The following CTNNA2 variants were observed in gnomAD, a reference collection of about 807,000 sequenced individuals.
The protein encoded by CTNNA2 is catenin alpha-2.
A neutral mutation model predicts 101.0 loss-of-function variants in CTNNA2; 42 were observed. That is an observed-to-expected ratio of 0.42 (90% CI 0.32 to 0.54). The LOEUF is 0.54. Among genes scored for constraint, CTNNA2 ranks in the 20% least tolerant of loss-of-function variants. CTNNA2 has a pLI of 0.14. For synonymous variants in CTNNA2, 450 were observed against 456.4 expected (o/e 0.99, Z 0.18); for missense variants, 871 against 1,223.1 (o/e 0.71, Z 4.29).
intron 2 of CTNNA2, among the ~76,000 whole-genome samples, chr2:79,668,877 C>G (rs536091621): frequency 2.5e-4 from 38 of 152,260 alleles, no homozygotes; most frequent in African/African-American, 9.1e-4. Context: ...CCAAAAGTTT[C>G]CAATCAAACA....
intron 3 of CTNNA2, among the ~76,000 whole-genome samples, chr2:79,849,947 C>T (rs780273608): frequency 6.6e-5 from 10 of 152,104 alleles, no homozygotes; most frequent in East Asian, 1.9e-4. Context: ...CCTTGTCAAC[C>T]GATGTAAGGT....
At chr2:80,426,167 G>T (rs1194411025) in intron 9 of CTNNA2, among the ~76,000 whole-genome samples, 4 of 152,026 alleles carry the variant, frequency 2.6e-5, no homozygotes, top group Non-Finnish European at 5.9e-5. Context: ...CGACCCTGAG[G>T]GTATGCCGAG....
intron 7 of CTNNA2, among the ~76,000 whole-genome samples, chr2:80,080,393 C>T (rs893152875): frequency 3.9e-5 from 6 of 152,228 alleles, no homozygotes; most frequent in Non-Finnish European, 4.4e-5. Context: ...CAAATGATTT[C>T]GACAAGGACA....
intron 2 of CTNNA2, among the ~76,000 whole-genome samples, chr2:79,257,127 C>A (rs1472495948): frequency 1.3e-5 from 2 of 152,158 alleles, no homozygotes; most frequent in African/African-American, 4.8e-5. Flanking sequence ...ACTTTACTCT[C>A]CTTTTTGCCT....
chr2:80,065,043 C>A (rs1047208269), intron 7 of CTNNA2, among the ~76,000 whole-genome samples: 1 of 152,098 alleles, frequency 6.6e-6, no homozygotes, highest in African/African-American at 2.4e-5. Flanking sequence ...AGTAAAAACC[C>A]TTTTGCTGAC....
intron 7 of CTNNA2, among the ~76,000 whole-genome samples, chr2:80,115,704 G>T (rs1290468315): frequency 1.3e-5 from 2 of 152,160 alleles, no homozygotes; most frequent in Non-Finnish European, 2.9e-5. Context: ...TGGGTACGGT[G>T]CTATTTCAAG....
chr2:80,254,628 C>T (rs779525105), intron 7 of CTNNA2, among the ~76,000 whole-genome samples: 19 of 151,942 alleles, frequency 1.3e-4, no homozygotes, highest in Non-Finnish European at 2.6e-4. Flanking sequence ...CATAGCTGGT[C>T]GTTTTGATAT....
chr2:80,567,235 G>A (rs1396461800), intron 12 of CTNNA2, among the ~76,000 whole-genome samples: 2 of 128,944 alleles, frequency 1.6e-5, no homozygotes, highest in Non-Finnish European at 1.7e-5. Flanking sequence ...TTATGATCAT[G>A]ACATTCGTTA....
chr2:80,303,312 C>T lies in CTNNA2; in HGVS notation c.1057-89899C>T, dbSNP rs866145118. On this transcript the variant is annotated intron_variant, in intron 7 of 18. Transcript: ENST00000402739. This position sits in a 1 kb window ranked among gnomAD's most constrained non-coding sequence, Gnocchi z 7.7. ...ACGGGCACAAACTGGATGGCGTTGGCCCGCATATGCAGCGTGGTGAGCTTC... is the reference window on the plus strand; with the variant it reads ...ACGGGCACAAACTGGATGGCGTTGGTCCGCATATGCAGCGTGGTGAGCTTC... 3.7e-6 allele frequency: 6 copies of T among 1,613,658 alleles called. No individual in the cohort carries two copies. The highest frequency in any genetic ancestry group is 1.7e-5 in the Admixed American group (1 of 60,020).
chr2:79,847,993 GT>G (rs1558576909), intron 3 of CTNNA2, among the ~76,000 whole-genome samples: 1 of 152,116 alleles, frequency 6.6e-6, no homozygotes, highest in Non-Finnish European at 1.5e-5. Context: ...ATTTCAGTGC[GT>G]TTTGATTTGT....
At chr2:80,089,440 T>C (rs1225231725) in intron 7 of CTNNA2, among the ~76,000 whole-genome samples, 1 of 151,970 alleles carries the variant, frequency 6.6e-6, no homozygotes, top group Non-Finnish European at 1.5e-5. Context: ...CTGCGCTCCC[T>C]TTTGCATTTT....
At chr2:79,710,648 A>G (rs1487992430) in intron 2 of CTNNA2, among the ~76,000 whole-genome samples, 1 of 152,154 alleles carries the variant, frequency 6.6e-6, no homozygotes, top group Non-Finnish European at 1.5e-5. Context: ...CAGGGCCTGT[A>G]AATTAGTTTT....
intron 1 of CTNNA2, among the ~76,000 whole-genome samples, chr2:79,532,992 C>T (rs924397505): frequency 6.6e-6 from 1 of 151,994 alleles, no homozygotes; most frequent in African/African-American, 2.4e-5. Flanking sequence ...TGAAATATTC[C>T]TCTCCCATAC....
intron 1 of CTNNA2, among the ~76,000 whole-genome samples, chr2:79,607,313 C>A (rs768429886): frequency 2.0e-5 from 3 of 152,072 alleles, no homozygotes; most frequent in Non-Finnish European, 4.4e-5. Flanking sequence ...ACATTATAAT[C>A]AGAAATCTTA....
chr2:79,712,415 G>T (rs1685797308), intron 2 of CTNNA2, among the ~76,000 whole-genome samples: 1 of 152,154 alleles, frequency 6.6e-6, no homozygotes, highest in Admixed American at 6.5e-5. Context: ...CAGCTGTGCA[G>T]CTTTAGAAAA....
chr2:80,353,197 T>G (rs1477641419), intron 7 of CTNNA2, among the ~76,000 whole-genome samples: 1 of 152,032 alleles, frequency 6.6e-6, no homozygotes, highest in Non-Finnish European at 1.5e-5. Flanking sequence ...GATTCTCCAT[T>G]TAGATTATCA....
chr2:79,703,642 T>G (rs1174013777), intron 2 of CTNNA2, among the ~76,000 whole-genome samples: 3 of 152,258 alleles, frequency 2.0e-5, no homozygotes, highest in African/African-American at 7.2e-5. Flanking sequence ...ATTTTTGTTC[T>G]TCTCAGTTAT....
chr2:79,804,703 A>G (rs1388673639), intron 3 of CTNNA2, among the ~76,000 whole-genome samples: 2 of 152,274 alleles, frequency 1.3e-5, no homozygotes, highest in Admixed American at 6.5e-5. Context: ...AAGTTTAGAT[A>G]TTGAAAAGCC....
chr2:79,529,512 T>C (rs925312102), intron 1 of CTNNA2, among the ~76,000 whole-genome samples: 2 of 152,076 alleles, frequency 1.3e-5, no homozygotes, highest in Non-Finnish European at 2.9e-5. Context: ...GTGACAGTTA[T>C]AGCTGTGGAA....
Sources: allele counts gnomAD v4.1 joint callset (sites outside exome capture counted in the v4.1 genomes callset), GRCh38; gene constraint gnomAD v4.1.1; non-coding constraint Gnocchi (gnomAD v3.1); transcripts MANE v1.5; gene names NCBI Gene and HGNC (gene_info 2026-07-23, HGNC 2026-07-21).